DLGAP2: variants seen among roughly 807,000 people sequenced by gnomAD.
DLGAP2 encodes the protein disks large-associated protein 2.
A neutral mutation model predicts 100.3 loss-of-function variants in DLGAP2; 26 were observed. The observed-to-expected ratio is 0.26, with a 90% CI of 0.19 to 0.36. The LOEUF is 0.36. DLGAP2 is among the 10% of genes least tolerant of loss of function. The pLI is 1.00. For missense variants in DLGAP2, 1,858 were observed against 1,453.2 expected (o/e 1.28, Z -4.53); for synonymous variants, 886 against 630.1 (o/e 1.41, Z -6.08).
At chr8:1,277,693 G>C (rs1464012206) in intron 3 of DLGAP2, among the ~76,000 whole-genome samples, 1 of 152,158 alleles carries the variant, frequency 6.6e-6, no homozygotes, top group Non-Finnish European at 1.5e-5. Flanking sequence ...GGGCTTCCAG[G>C]CTGGCAGCAG....
intron 1 of DLGAP2, among the ~76,000 whole-genome samples, chr8:905,094 G>A (rs1310031658): frequency 6.6e-6 from 1 of 152,142 alleles, no homozygotes; most frequent in Non-Finnish European, 1.5e-5. Context: ...AACACAGATT[G>A]TCTGCCTTTA....
intron 2 of DLGAP2, among the ~76,000 whole-genome samples, chr8:986,727 T>G (rs1467464758): frequency 2.6e-5 from 4 of 151,794 alleles, no homozygotes; most frequent in Non-Finnish European, 5.9e-5. Flanking sequence ...TGATGCAATC[T>G]TGGCTCACTG....
chr8:758,820 C>G (rs989847423), intron 1 of DLGAP2, among the ~76,000 whole-genome samples: 9 of 152,070 alleles, frequency 5.9e-5, no homozygotes, highest in African/African-American at 2.2e-4. Context: ...CCTCAGCTCC[C>G]GAAGTGCTGA....
At chr8:1,242,299 G>A (rs561351906) in intron 2 of DLGAP2, among the ~76,000 whole-genome samples, 1 of 152,184 alleles carries the variant, frequency 6.6e-6, no homozygotes, top group Non-Finnish European at 1.5e-5. Flanking sequence ...AGAGGATGCA[G>A]GTGACGGGGC....
At chr8:1,320,905 A>AG (rs933026363) in intron 3 of DLGAP2, among the ~76,000 whole-genome samples, 7 of 151,940 alleles carry the variant, frequency 4.6e-5, no homozygotes, top group African/African-American at 1.7e-4. Flanking sequence ...ACAGGTGTGT[A>AG]GGGGCATGTG....
chr8:1,207,064 C>A (rs999393659), intron 2 of DLGAP2, among the ~76,000 whole-genome samples: 1 of 152,216 alleles, frequency 6.6e-6, no homozygotes, highest in African/African-American at 2.4e-5. Context: ...ATGTGTCCTT[C>A]ACAGTGTTAC....
chr8:928,512 C>T lies in DLGAP2; in HGVS notation c.73+20546C>T, dbSNP rs190738667. Among the ~76,000 whole-genome samples the T allele has an allele frequency of 3.3e-5, 5 of 152,232 alleles. No individual in the cohort carries two copies. The East Asian group carries it at 7.7e-4, about 24-fold the overall frequency. On this transcript the variant is annotated intron_variant, in intron 2 of 14. Coordinates refer to ENST00000637795, the MANE Select transcript of DLGAP2 (RefSeq NM_001346810.2). ...GCCTGTTTGATTCTTGTGGTGACAA[C>T]ACGGGTGATGCTGGCGGGGACTGGG...
At chr8:1,156,176 G>A (rs1796781078) in intron 2 of DLGAP2, among the ~76,000 whole-genome samples, 1 of 152,166 alleles carries the variant, frequency 6.6e-6, no homozygotes, top group African/African-American at 2.4e-5. Context: ...GAATCACCGG[G>A]GCTGCAGCTC....
At chr8:1,190,594 G>C (rs905605474) in intron 2 of DLGAP2, among the ~76,000 whole-genome samples, 1 of 152,204 alleles carries the variant, frequency 6.6e-6, no homozygotes, top group Non-Finnish European at 1.5e-5. Context: ...GTCGCAATCA[G>C]CATTGAGAGC....
intron 2 of DLGAP2, among the ~76,000 whole-genome samples, chr8:1,123,466 A>G (rs772849809): frequency 3.3e-5 from 5 of 152,198 alleles, no homozygotes; most frequent in Admixed American, 2.6e-4. Context: ...GAGGTTCCTC[A>G]TAGTATTTTC....
At chr8:1,635,853 G>T (rs1003256754) in intron 8 of DLGAP2, among the ~76,000 whole-genome samples, 1 of 152,184 alleles carries the variant, frequency 6.6e-6, no homozygotes, top group African/African-American at 2.4e-5. Context: ...CCCAGAGGAC[G>T]TCTGTTGGTT....
chr8:1,626,521 C>G (rs1797503714), intron 6 of DLGAP2, among the ~76,000 whole-genome samples: 1 of 149,540 alleles, frequency 6.7e-6, no homozygotes, highest in Non-Finnish European at 1.5e-5. Flanking sequence ...CCATCTCTAC[C>G]CTGCAGCAGG....
chr8:1,051,060 G>A (rs1276986093), intron 2 of DLGAP2, among the ~76,000 whole-genome samples: 1 of 150,596 alleles, frequency 6.6e-6, no homozygotes, highest in African/African-American at 2.4e-5. Flanking sequence ...TTTCGTGGGT[G>A]GGGGTCATTT....
chr8:814,845 C>A (rs538089763), intron 1 of DLGAP2, among the ~76,000 whole-genome samples: 2 of 101,726 alleles, frequency 2.0e-5, no homozygotes, highest in Admixed American at 1.1e-4. Context: ...AGCAAGACTC[C>A]GTCTCAAAAA....
chr8:1,606,752 G>A (rs574538440), intron 6 of DLGAP2, among the ~76,000 whole-genome samples: 40 of 152,118 alleles, frequency 2.6e-4, no homozygotes, highest in Non-Finnish European at 5.3e-4. Flanking sequence ...GCACAATCTC[G>A]GCTCACTACA....
At chr8:1,488,463 ATT>A (rs1314562559) in intron 3 of DLGAP2, among the ~76,000 whole-genome samples, 1 of 152,222 alleles carries the variant, frequency 6.6e-6, no homozygotes, top group Non-Finnish European at 1.5e-5. Context: ...CAAAAGAGGC[ATT>A]GAGAGGCCAG....
At chr8:1,357,383 C>T (rs977635225) in intron 3 of DLGAP2, among the ~76,000 whole-genome samples, 9 of 150,198 alleles carry the variant, frequency 6.0e-5, no homozygotes, top group East Asian at 4.0e-4. Flanking sequence ...CTTCCTGATG[C>T]ATCTGTTGGT....
At chr8:1,278,196 T>C (rs1799744174) in intron 3 of DLGAP2, among the ~76,000 whole-genome samples, 1 of 152,180 alleles carries the variant, frequency 6.6e-6, no homozygotes, top group Non-Finnish European at 1.5e-5. Flanking sequence ...CAAAGAGCTG[T>C]ATGCGTCGGA....
chr8:757,218 C>T (rs746800796), intron 1 of DLGAP2, among the ~76,000 whole-genome samples: 2 of 152,166 alleles, frequency 1.3e-5, no homozygotes, highest in Admixed American at 6.5e-5. Flanking sequence ...CCCCTGAACT[C>T]GGACCATTTC....
Sources: gnomAD v4.1 joint callset for allele counts (sites outside exome capture counted in the v4.1 genomes callset) on GRCh38, gnomAD v4.1.1 for gene constraint, MANE v1.5 for transcripts, NCBI Gene and HGNC (gene_info 2026-07-23, HGNC 2026-07-21) for gene names.